Variants in GRM1 observed in about 807,000 individuals in gnomAD.
GRM1 encodes the protein metabotropic glutamate receptor 1.
In GRM1, 33 loss-of-function variants were observed where a neutral mutation model predicts 90.9. The observed-to-expected ratio is 0.36, with a 90% CI of 0.28 to 0.49. The LOEUF is 0.49. Among genes scored for constraint, GRM1 ranks in the 20% least tolerant of loss-of-function variants. The pLI, the probability that GRM1 is intolerant of heterozygous loss-of-function variation, is 0.99. For synonymous variants in GRM1, 700 were observed against 613.2 expected, an observed-to-expected ratio of 1.14 and a Z score of -2.09; for missense variants, 1,190 against 1,534.3, an observed-to-expected ratio of 0.78 and a Z score of 3.75.
chr6:146,066,025 G>T (rs759200851), intron 1 of GRM1, among the ~76,000 whole-genome samples: 11 of 151,428 alleles, frequency 7.3e-5, no homozygotes, highest in Non-Finnish European at 1.2e-4. Context: ...GATGCATGTT[G>T]CTTGAGACGG....
At chr6:146,201,683 C>T (rs1779302460) in intron 2 of GRM1, among the ~76,000 whole-genome samples, 2 of 152,216 alleles carry the variant, frequency 1.3e-5, no homozygotes, top group African/African-American at 4.8e-5. Context: ...GAGACGCAAA[C>T]ATTCAGTCCA....
chr6:146,404,746 T>C (rs1313140728), intron 7 of GRM1, among the ~76,000 whole-genome samples: 2 of 152,160 alleles, frequency 1.3e-5, no homozygotes, highest in Non-Finnish European at 2.9e-5. Context: ...ATATAGATAA[T>C]GGTTAATGTA....
intron 2 of GRM1, among the ~76,000 whole-genome samples, chr6:146,203,092 G>A (rs1236540723): frequency 1.3e-5 from 2 of 152,016 alleles, no homozygotes; most frequent in Non-Finnish European, 2.9e-5. Flanking sequence ...TACTGGGGAG[G>A]CTGAGGCAGG....
At chr6:146,396,758 T>C (rs1035263201) in intron 6 of GRM1, among the ~76,000 whole-genome samples, 4 of 152,168 alleles carry the variant, frequency 2.6e-5, no homozygotes, top group Admixed American at 1.3e-4. Flanking sequence ...TTTATCAAAT[T>C]GTGTATCTCT....
At chr6:146,081,481 A>G (rs917835725) in intron 1 of GRM1, among the ~76,000 whole-genome samples, 1 of 152,192 alleles carries the variant, frequency 6.6e-6, no homozygotes, top group African/African-American at 2.4e-5. Context: ...GGCTCACAGA[A>G]GCTTGGGGAC....
At chr6:146,140,219 T>G (rs1776817965) in intron 1 of GRM1, among the ~76,000 whole-genome samples, 1 of 148,162 alleles carries the variant, frequency 6.7e-6, no homozygotes, top group Non-Finnish European at 1.5e-5. Context: ...TTTTCTCTGG[T>G]GGTATATTTT....
intron 7 of GRM1, among the ~76,000 whole-genome samples, chr6:146,406,078 G>A (rs1274605109): frequency 6.6e-6 from 1 of 152,176 alleles, no homozygotes; most frequent in Non-Finnish European, 1.5e-5. Flanking sequence ...TATCATAGAG[G>A]AGAACTTTAA....
chr6:146,161,103 C>G (rs1005096432), intron 2 of GRM1, among the ~76,000 whole-genome samples: 1 of 152,184 alleles, frequency 6.6e-6, no homozygotes, highest in African/African-American at 2.4e-5. Flanking sequence ...TCCAGACATT[C>G]AGGCCTTTCC....
intron 1 of GRM1, among the ~76,000 whole-genome samples, chr6:146,054,620 C>T (rs536757675): frequency 8.5e-5 from 13 of 152,188 alleles, no homozygotes; most frequent in Non-Finnish European, 1.6e-4. Context: ...ACATTCATTT[C>T]TCACATTTAT....
At chr6:146,364,121 T>A (rs1775591727) in intron 5 of GRM1, among the ~76,000 whole-genome samples, 1 of 152,244 alleles carries the variant, frequency 6.6e-6, no homozygotes. Flanking sequence ...TTATACTCAA[T>A]TTTTCCATCT....
chr6:146,061,782 C>G (rs1325917988), intron 1 of GRM1, among the ~76,000 whole-genome samples: 1 of 151,458 alleles, frequency 6.6e-6, no homozygotes, highest in Non-Finnish European at 1.5e-5. Flanking sequence ...TTTTAGAAAT[C>G]GAAAACAATG....
chr6:146,041,502 T>C (rs1402180490), intron 1 of GRM1, among the ~76,000 whole-genome samples: 2 of 151,980 alleles, frequency 1.3e-5, no homozygotes, highest in African/African-American at 4.8e-5. Flanking sequence ...TTCCCACAGC[T>C]CTCACACAAG....
intron 1 of GRM1, among the ~76,000 whole-genome samples, chr6:146,076,551 G>A (rs1020168233): frequency 1.3e-5 from 2 of 152,164 alleles, no homozygotes; most frequent in Non-Finnish European, 2.9e-5. Context: ...TGAGAAGGGA[G>A]TCAAGGGTGA....
At chr6:146,289,919 G>A (rs1041522997) in intron 2 of GRM1, among the ~76,000 whole-genome samples, 4 of 152,068 alleles carry the variant, frequency 2.6e-5, no homozygotes, top group African/African-American at 4.8e-5. Flanking sequence ...AATCACATAA[G>A]GATGTGTTTT....
intron 2 of GRM1, among the ~76,000 whole-genome samples, chr6:146,251,230 A>G (rs745511097): frequency 6.6e-6 from 1 of 152,164 alleles, no homozygotes; most frequent in Admixed American, 6.5e-5. Context: ...TCCTCTTACA[A>G]TCAGGCATCT....
chr6:146,306,199 C>G (rs1783571968), intron 3 of GRM1, among the ~76,000 whole-genome samples: 1 of 152,132 alleles, frequency 6.6e-6, no homozygotes, highest in South Asian at 2.1e-4. Context: ...GGAGACATTG[C>G]TAAACAATAA....
intron 2 of GRM1, among the ~76,000 whole-genome samples, chr6:146,232,384 A>T (rs1300860833): frequency 6.6e-6 from 1 of 151,816 alleles, no homozygotes; most frequent in Non-Finnish European, 1.5e-5. Flanking sequence ...TAATTTTTTT[A>T]AATTTTTAAC....
rs566870685 is a variant in GRM1 at position 146,413,161 on chromosome 6, G to T, written c.2660+13462G>T. Among the ~76,000 whole-genome samples the T allele has an allele frequency of 2.6e-5, 4 of 152,006 alleles. No individual in the cohort carries two copies. In the South Asian group the frequency reaches 8.3e-4, roughly 32 times the overall value. On this transcript the variant is annotated intron_variant, in intron 7 of 7. Transcript: ENST00000282753. ...GCCAATTTTGCTGGATATAATTCAG[G>T]GTGCACATTTTATTTTTCTGAAGTG... is the stretch of plus-strand genomic sequence containing the variant.
intron 1 of GRM1, among the ~76,000 whole-genome samples, chr6:146,052,973 G>A (rs541874249): frequency 2.4e-4 from 37 of 151,924 alleles, no homozygotes; most frequent in Non-Finnish European, 2.5e-4. Flanking sequence ...AAAAAACCCC[G>A]GGGTTTTATG....
Sources: allele counts gnomAD v4.1 joint callset (sites outside exome capture counted in the v4.1 genomes callset), GRCh38; gene constraint gnomAD v4.1.1; transcripts MANE v1.5; gene names NCBI Gene and HGNC (gene_info 2026-07-23, HGNC 2026-07-21).